The following KCNAB3 variants were observed in gnomAD, a reference collection of about 807,000 sequenced individuals.
KCNAB3 encodes potassium voltage-gated channel subfamily A regulatory beta subunit 3.
In KCNAB3, 62 loss-of-function variants were observed where a neutral mutation model predicts 67.7. The observed-to-expected ratio is 0.92, with a 90% CI of 0.75 to 1.13. The LOEUF (loss-of-function observed/expected upper bound fraction) is 1.13, where lower values mean the gene tolerates loss of function less well. KCNAB3 is among the 50% of genes most tolerant of loss of function. The probability of loss-of-function intolerance (pLI) is 0.00; values close to 1 mark genes in which losing one functional copy is unlikely to be tolerated. For missense variants in KCNAB3, 514 were observed against 522.9 expected (o/e 0.98, Z 0.17); for synonymous variants, 212 against 205.4 (o/e 1.03, Z -0.27).
At chr17:7,927,990 C>A (rs1598038048) in intron 1 of KCNAB3, 164 bp from the exon 2 acceptor site, 2 of 752,054 alleles carry the variant, frequency 2.7e-6, no homozygotes, top group East Asian at 5.2e-5. Flanking sequence ...ATCTCCAGAG[C>A]AGAGGTCCTA....
chr17:7,926,484 A>G (rs1972236370), intron 4 of KCNAB3, among the ~76,000 whole-genome samples: 1 of 152,172 alleles, frequency 6.6e-6, no homozygotes, highest in South Asian at 2.1e-4. Context: ...CCCGTCCTCC[A>G]AAGCTCAGCT....
chr17:7,925,395 G>T, intron 7 of KCNAB3: 1 of 595,468 alleles, frequency 1.7e-6, no homozygotes, highest in Non-Finnish European at 3.0e-6. Flanking sequence ...CAGGCGTGGT[G>T]GCGTGTGCCT....
At chr17:7,923,431 C>T in intron 13 of KCNAB3, 25 bp downstream of exon 13, 1 of 1,594,788 alleles carries the variant, frequency 6.3e-7, no homozygotes, top group Non-Finnish European at 8.5e-7. Context: ...GACAGATAGG[C>T]TCTGCCTCTG....
rs1315086494 is a variant in KCNAB3, at chr17:7,929,504, TGAC to T, written c.-72_-70del. On this transcript the variant is annotated 5_prime_UTR_variant, in exon 1 of 14. Transcript: ENST00000303790. The surrounding 1 kb of genome is among the most constrained non-coding windows in gnomAD (Gnocchi z 5.7). ...GGGGGGAGCAGGGAAGCCCGAGGGC[TGAC>T]GACCGGGGGCGTAGTGGGGCGAACC... is the stretch of plus-strand genomic sequence containing the variant. 1 of 1,513,064 alleles carries T rather than the reference TGAC, an allele frequency of 6.6e-7. No homozygotes were observed. The highest frequency in any genetic ancestry group is 2.5e-5 in the East Asian group (1 of 40,148). 93.7% of individuals were successfully genotyped at this position (1,513,064 alleles called of 1,614,324 possible). A position where few individuals can be genotyped will look rare whatever the true frequency, so the allele number is the denominator to read the frequency against.
chr17:7,923,623 G>C, intron 12 of KCNAB3, 79 bp from the exon 13 acceptor site: 1 of 1,553,536 alleles, frequency 6.4e-7, no homozygotes, highest in Non-Finnish European at 8.7e-7. Context: ...CTGAAGACAA[G>C]CGTCCTCCCT....
chr17:7,927,766 T>C lies in KCNAB3; in HGVS notation c.286+17A>G. 6.2e-7 allele frequency: 1 copy of C among 1,614,080 alleles called. No individual in the cohort carries two copies. The highest frequency in any genetic ancestry group is 1.1e-5 in the South Asian group (1 of 91,068). On this transcript the variant is annotated intron_variant, in intron 2 of 13. Coordinates refer to ENST00000303790, the MANE Select transcript of KCNAB3 (RefSeq NM_004732.4). ...TGAAAGAATGCCCTCCTTTCCTTAA[T>C]CCCTATTCTGACTCACCTAGGCCAA...
Position 7,929,817 on chromosome 17 carries a change from C to T in KCNAB3, c.-382G>A. On this transcript the variant is annotated 5_prime_UTR_variant, in exon 1 of 14. Coordinates refer to ENST00000303790, the MANE Select transcript of KCNAB3 (RefSeq NM_004732.4). This position sits in a 1 kb window ranked among gnomAD's most constrained non-coding sequence, Gnocchi z 5.7. The stretch of plus-strand genomic sequence containing the variant: ...CACTTCAGCGCGAACCGCTGCGGGA[C>T]CCGCTGGGCTCCCAGCCGCGTCGGC... 151 of 1,020,254 alleles carry T rather than the reference C, an allele frequency of 1.5e-4. No homozygotes were observed. The Admixed American group carries it at 1.5e-3, about 10-fold the overall frequency. The allele number at this position is 1,020,254 out of a possible 1,614,324, so 63.2% of individuals were successfully genotyped here.
In KCNAB3 at chr17:7,929,616, C is replaced by T; in HGVS notation, c.-181G>A. 2 of 1,406,716 alleles carry T rather than the reference C, an allele frequency of 1.4e-6. No individual in the cohort carries two copies. The highest frequency in any genetic ancestry group is 2.7e-5 in the East Asian group (1 of 36,392). 87.1% of individuals were successfully genotyped at this position (1,406,716 alleles called of 1,614,324 possible). On this transcript the variant is annotated 5_prime_UTR_variant, in exon 1 of 14. Transcript: ENST00000303790. The surrounding 1 kb of genome is among the most constrained non-coding windows in gnomAD (Gnocchi z 5.7). ...CGCGGGGGCGGGCTGCTGGAGGTCGCGAGGTTTGCGGCGGGAGGGAAGAAA... is the reference window on the plus strand; with the variant it reads ...CGCGGGGGCGGGCTGCTGGAGGTCGTGAGGTTTGCGGCGGGAGGGAAGAAA...
Position 7,929,829 on chromosome 17 carries a change from C to T in KCNAB3, c.-394G>A, listed in dbSNP as rs1361403482. 1.4e-5 allele frequency: 14 copies of T among 990,496 alleles called. No individual in the cohort carries two copies. The highest frequency in any genetic ancestry group is 7.7e-5 in the Admixed American group (1 of 12,990). 61.4% of individuals were successfully genotyped at this position (990,496 alleles called of 1,614,324 possible). On this transcript the variant is annotated 5_prime_UTR_variant, in exon 1 of 14. Coordinates refer to ENST00000303790, the MANE Select transcript of KCNAB3 (RefSeq NM_004732.4). This position sits in a 1 kb window ranked among gnomAD's most constrained non-coding sequence, Gnocchi z 5.7. ...AACCGCTGCGGGACCCGCTGGGCTC[C>T]CAGCCGCGTCGGCAGCGGGCCCAGC...
At position 7,929,245 on chromosome 17, in the gene KCNAB3, G is replaced by C. The variant is rs755297945; in HGVS notation, c.191C>G (p.Pro64Arg). 1.8e-4 allele frequency: 283 copies of C among 1,609,498 alleles called. 3 individuals carry two copies. In the South Asian group the frequency reaches 2.9e-3, roughly 17 times the overall value. ...RAALVPRPPA[P>R]AGALRESTGR... Reference sequence around the variant, plus strand: ...GGTGCTCTCTCGGAGGGCCCCAGCGGGCGCTGGGGGTCGGGGAACCAGTGC... The same window carrying C: ...GGTGCTCTCTCGGAGGGCCCCAGCGCGCGCTGGGGGTCGGGGAACCAGTGC... The change falls in exon 1 of 14, where the codon CCC becomes CGC. Residue 64 changes from proline (P) to arginine (R), a missense_variant. Transcript: ENST00000303790. The surrounding 1 kb of genome is among the most constrained non-coding windows in gnomAD (Gnocchi z 5.7).
rs113757789 is a variant in KCNAB3 at position 7,925,910 on chromosome 17, C to T, written c.494+21G>A. The T allele has an allele frequency of 2.1e-3, 2,876 of 1,401,546 alleles. 43 individuals are homozygous for T. In the African/African-American group the frequency reaches 0.029, roughly 14 times the overall value. The allele number at this position is 1,401,546 out of a possible 1,614,324, so 86.8% of individuals were successfully genotyped here. On this transcript the variant is annotated intron_variant, in intron 6 of 13. Coordinates refer to ENST00000303790, the MANE Select transcript of KCNAB3 (RefSeq NM_004732.4). ...ATTCTTTGTAGGCCTTCTCCACAATCGCAGTGGGGCAGCCACTTACTGTCC... is the reference window on the plus strand; with the variant it reads ...ATTCTTTGTAGGCCTTCTCCACAATTGCAGTGGGGCAGCCACTTACTGTCC...
intron 1 of KCNAB3, among the ~76,000 whole-genome samples, chr17:7,928,758 T>C (rs1202682620): frequency 6.6e-6 from 1 of 152,172 alleles, no homozygotes; most frequent in African/African-American, 2.4e-5. Flanking sequence ...GCAGAAGACC[T>C]AGCCTTTGGG....
intron 6 of KCNAB3, 41 bp downstream of exon 6, chr17:7,925,890 T>G: frequency 6.5e-7 from 1 of 1,540,806 alleles, no homozygotes; most frequent in Non-Finnish European, 9.0e-7. Flanking sequence ...CACACATTCT[T>G]TGTAGGCCTT....
At position 7,923,805 on chromosome 17, in the gene KCNAB3, C is replaced by T. The variant is rs1598032559; in HGVS notation, c.954G>A (p.Val318=). 2 of 1,580,344 alleles carry T rather than the reference C, an allele frequency of 1.3e-6. No individual in the cohort carries two copies. The highest frequency in any genetic ancestry group is 1.3e-5 in the African/African-American group (1 of 74,348). ...IKGYQWLKDK[V]QSEDGKKQQA... Reference sequence around the variant, plus strand: ...GTTGCTTCTTGCCATCTTCACTCTGCACTTTGTCCTTGAGCCACTGGTAGC... The same window carrying T: ...GTTGCTTCTTGCCATCTTCACTCTGTACTTTGTCCTTGAGCCACTGGTAGC... Residue 318 remains valine (V), a synonymous_variant, in exon 12 of 14, where the codon GTG becomes GTA. Transcript: ENST00000303790.
chr17:7,926,022 T>G (rs1475395872), intron 5 of KCNAB3, 37 bp downstream of exon 5: 1 of 1,614,052 alleles, frequency 6.2e-7, no homozygotes, highest in Non-Finnish European at 8.5e-7. Flanking sequence ...GATTTTTGGG[T>G]GATCACATCC....
chr17:7,929,403 G>A lies in KCNAB3; in HGVS notation c.33C>T (p.Asn11=), dbSNP rs1972351919. 1.3e-6 allele frequency: 2 copies of A among 1,548,274 alleles called. No individual in the cohort carries two copies. The highest frequency in any genetic ancestry group is 1.7e-6 in the Non-Finnish European group (2 of 1,146,422). MQVSIACTEQ[N]LRSRSSEDRL... is the part of the protein sequence containing the mutation. Reference sequence around the variant, plus strand: ...GGTCCTCACTGCTCCGGCTGCGAAGGTTCTGCTCGGTACACGCGATAGACA... The same window carrying A: ...GGTCCTCACTGCTCCGGCTGCGAAGATTCTGCTCGGTACACGCGATAGACA... Residue 11 remains asparagine (N), a synonymous_variant, in exon 1 of 14, where the codon AAC becomes AAT. Coordinates refer to ENST00000303790, the MANE Select transcript of KCNAB3 (RefSeq NM_004732.4). The surrounding 1 kb of genome is among the most constrained non-coding windows in gnomAD (Gnocchi z 5.7).
chr17:7,925,835 G>A, intron 6 of KCNAB3, 96 bp downstream of exon 6: 1 of 1,590,116 alleles, frequency 6.3e-7, no homozygotes, highest in Middle Eastern at 1.7e-4. Flanking sequence ...GCATGGTGCG[G>A]ACCTGGTGCA....
In KCNAB3 at chr17:7,926,243, T is replaced by C. The variant is rs141729772; in HGVS notation, c.405-140A>G. ...GCTCACAGCCCCATCCTGGACAAAA[T>C]AAGAGGTCTGTTGGAAGGAACTAGG... is the stretch of plus-strand genomic sequence containing the variant. On this transcript the variant is annotated intron_variant, in intron 4 of 13. Transcript: ENST00000303790. The C allele has an allele frequency of 7.2e-4, 620 of 866,538 alleles. 6 individuals carry two copies. The highest frequency in any genetic ancestry group is 7.0e-3 in the Admixed American group (292 of 41,548). 53.7% of individuals were successfully genotyped at this position (866,538 alleles called of 1,614,324 possible). A position where few individuals can be genotyped will look rare whatever the true frequency, so the allele number is the denominator to read the frequency against.
chr17:7,923,923 A>G, intron 11 of KCNAB3, 45 bp downstream of exon 11: 1 of 1,537,752 alleles, frequency 6.5e-7, no homozygotes, highest in African/African-American at 1.4e-5. Context: ...CCCCCAAAGC[A>G]GCCCATATAG....
Sources: allele counts gnomAD v4.1 joint callset (sites outside exome capture counted in the v4.1 genomes callset), GRCh38; gene constraint gnomAD v4.1.1; non-coding constraint Gnocchi (gnomAD v3.1); transcripts MANE v1.5; gene names NCBI Gene and HGNC (gene_info 2026-07-23, HGNC 2026-07-21).